Variants in NEBL observed in about 807,000 individuals in gnomAD.
The protein encoded by NEBL is LIM and SH3 protein 2.
In NEBL, 122 loss-of-function variants were observed where a neutral mutation model predicts 140.2. The observed-to-expected ratio is 0.87, with a 90% confidence interval of 0.75 to 1.01. The LOEUF (loss-of-function observed/expected upper bound fraction) is 1.01. NEBL is among the 50% of genes least tolerant of loss of function. NEBL has a pLI of 0.00. For synonymous variants in NEBL, 436 were observed against 398.9 expected (o/e 1.09, Z -1.11); for missense variants, 1,365 against 1,231.3 (o/e 1.11, Z -1.62).
intron 2 of NEBL, among the ~76,000 whole-genome samples, chr10:21,116,336 T>A (rs1309209541): frequency 6.6e-6 from 1 of 152,144 alleles, no homozygotes; most frequent in Middle Eastern, 3.2e-3. Context: ...CTTCTCACTG[T>A]GTTCTCACAC....
chr10:21,249,155 A>C (rs1246618565), intron 2 of NEBL, among the ~76,000 whole-genome samples: 1 of 152,078 alleles, frequency 6.6e-6, no homozygotes, highest in Non-Finnish European at 1.5e-5. Context: ...CAGCCTCCCA[A>C]AGCACTTGAG....
intron 1 of NEBL, among the ~76,000 whole-genome samples, chr10:21,272,146 T>TTA (rs1564553501): frequency 7.1e-6 from 1 of 140,026 alleles, no homozygotes; most frequent in East Asian, 2.0e-4. Flanking sequence ...TTTTTTTTTT[T>TTA]AGTAGAGACG....
At chr10:21,130,855 C>A (rs760475236) in intron 2 of NEBL, among the ~76,000 whole-genome samples, 2 of 151,508 alleles carry the variant, frequency 1.3e-5, no homozygotes, top group Non-Finnish European at 2.9e-5. Flanking sequence ...CAATTAAATA[C>A]AATGTAAGCA....
chr10:21,254,695 C>T (rs1035518869), intron 1 of NEBL, among the ~76,000 whole-genome samples: 7 of 152,180 alleles, frequency 4.6e-5, no homozygotes, highest in South Asian at 2.1e-4. Flanking sequence ...ACTGCAAGGA[C>T]GTGGCCAGGC....
chr10:21,193,396 G>T (rs183759984), intron 3 of NEBL, among the ~76,000 whole-genome samples: 1 of 152,332 alleles, frequency 6.6e-6, no homozygotes, highest in Admixed American at 6.5e-5. Flanking sequence ...GGGTGCAGGA[G>T]TGATGAGTTG....
intron 3 of NEBL, among the ~76,000 whole-genome samples, chr10:20,979,268 A>G (rs1836934760): frequency 6.6e-6 from 1 of 152,148 alleles, no homozygotes; most frequent in African/African-American, 2.4e-5. Flanking sequence ...AATAATAATG[A>G]TAATACACAT....
At chr10:21,169,651 T>A (rs1241585255) in intron 2 of NEBL, among the ~76,000 whole-genome samples, 1 of 152,184 alleles carries the variant, frequency 6.6e-6, no homozygotes, top group Non-Finnish European at 1.5e-5. Context: ...AGTTAGCATA[T>A]GACATGAACC....
At chr10:20,790,184 C>T (rs971759710) in intron 26 of NEBL, among the ~76,000 whole-genome samples, 3 of 151,892 alleles carry the variant, frequency 2.0e-5, no homozygotes, top group African/African-American at 7.3e-5. Flanking sequence ...TATCTTCATG[C>T]CTTTATTGAT....
intron 3 of NEBL, among the ~76,000 whole-genome samples, chr10:20,987,680 C>T (rs753515937): frequency 1.2e-4 from 18 of 152,114 alleles, no homozygotes; most frequent in South Asian, 6.2e-4. Flanking sequence ...TATAGCAATG[C>T]GGGGCATTTT....
chr10:20,857,533 TCA>T lies in NEBL; in HGVS notation c.903+705_903+706del, dbSNP rs1843202760. The stretch of plus-strand genomic sequence containing the variant: ...AAATAACTTATGGTCAAATAAGAGC[TCA>T]TTGCCACCATGAGATGTACAAAATG... On this transcript the variant is annotated intron_variant, in intron 9 of 27. Coordinates refer to ENST00000377122, the MANE Select transcript of NEBL (RefSeq NM_006393.3). Among the ~76,000 whole-genome samples the T allele has an allele frequency of 2.6e-5, 4 of 152,312 alleles. No homozygotes were observed. The South Asian group carries it at 8.3e-4, about 32-fold the overall frequency.
chr10:20,973,206 A>T (rs1293440165), intron 3 of NEBL, among the ~76,000 whole-genome samples: 1 of 151,890 alleles, frequency 6.6e-6, no homozygotes, highest in Non-Finnish European at 1.5e-5. Flanking sequence ...ATCCTGATTA[A>T]TCTTCAAAAT....
chr10:21,135,440 A>G (rs1006904440), intron 2 of NEBL, among the ~76,000 whole-genome samples: 6 of 152,128 alleles, frequency 3.9e-5, no homozygotes, highest in African/African-American at 1.2e-4. Flanking sequence ...GAGATAAAAA[A>G]AAAAAAAATC....
chr10:20,985,725 C>T (rs1837230255), intron 3 of NEBL, among the ~76,000 whole-genome samples: 1 of 151,932 alleles, frequency 6.6e-6, no homozygotes, highest in African/African-American at 2.4e-5. Context: ...TGCAGCTATA[C>T]TGAACATACA....
chr10:21,104,333 T>C (rs1837613031), intron 2 of NEBL, among the ~76,000 whole-genome samples: 1 of 152,254 alleles, frequency 6.6e-6, no homozygotes, highest in Non-Finnish European at 1.5e-5. Context: ...AGAACTGATA[T>C]CTTAACAATA....
intron 3 of NEBL, among the ~76,000 whole-genome samples, chr10:21,005,498 G>A (rs1318809279): frequency 6.9e-6 from 1 of 145,408 alleles, no homozygotes; most frequent in East Asian, 2.8e-4. Context: ...AGTTTGCAAG[G>A]TCAAGATGGG....
At chr10:21,109,364 G>A (rs187146135) in intron 2 of NEBL, among the ~76,000 whole-genome samples, 5 of 152,208 alleles carry the variant, frequency 3.3e-5, no homozygotes, top group South Asian at 2.1e-4. Context: ...TGATCGTGGC[G>A]GATAAGCTTT....
intron 3 of NEBL, among the ~76,000 whole-genome samples, chr10:21,013,242 C>G (rs1397027742): frequency 6.6e-6 from 1 of 152,186 alleles, no homozygotes; most frequent in African/African-American, 2.4e-5. Context: ...CATTCACATT[C>G]ACCCATTCCT....
chr10:20,987,502 T>C (rs1443976431), intron 3 of NEBL, among the ~76,000 whole-genome samples: 1 of 152,150 alleles, frequency 6.6e-6, no homozygotes, highest in Non-Finnish European at 1.5e-5. Context: ...CTCCACATCC[T>C]CACTCCTCAA....
intron 5 of NEBL, among the ~76,000 whole-genome samples, chr10:20,872,335 AG>A (rs1423226102): frequency 2.0e-5 from 3 of 152,206 alleles, no homozygotes; most frequent in Non-Finnish European, 4.4e-5. Context: ...CACAGAAAAA[AG>A]CTTCCGCGCC....
Sources: allele counts gnomAD v4.1 joint callset (sites outside exome capture counted in the v4.1 genomes callset), GRCh38; gene constraint gnomAD v4.1.1; transcripts MANE v1.5; gene names NCBI Gene and HGNC (gene_info 2026-07-23, HGNC 2026-07-21).